Variants in LRPPRC observed in about 807,000 individuals in gnomAD.
The protein encoded by LRPPRC is leucine-rich PPR motif-containing protein, mitochondrial.
In LRPPRC, 120 loss-of-function variants were observed where a neutral mutation model predicts 180.3. The ratio of observed to expected loss-of-function variants is 0.67; its 90% confidence interval spans 0.57 to 0.77. LRPPRC has a LOEUF of 0.77. LRPPRC is among the 30% of genes least tolerant of loss of function. The probability of loss-of-function intolerance (pLI) is 0.00; values close to 1 mark genes in which losing one functional copy is unlikely to be tolerated. For missense variants in LRPPRC, 2,012 were observed against 1,657.2 expected (o/e 1.21, Z -3.72); for synonymous variants, 723 against 600.0 (o/e 1.21, Z -3.00).
At chr2:43,932,887 A>C (rs927111851) in intron 25 of LRPPRC, among the ~76,000 whole-genome samples, 1 of 152,146 alleles carries the variant, frequency 6.6e-6, no homozygotes, top group Non-Finnish European at 1.5e-5. Context: ...TTACTACACA[A>C]AGACAGGCAC....
chr2:43,918,801 A>ATATCTATATATAGATATCTC (rs1449843428), intron 27 of LRPPRC, among the ~76,000 whole-genome samples: 1 of 112,212 alleles, frequency 8.9e-6, no homozygotes, highest in African/African-American at 4.3e-5. Flanking sequence ...AGATATATAT[A>ATATCTATATATAGATATCTC]TATATATAGA....
At chr2:43,893,837 G>C (rs1670584137) in intron 36 of LRPPRC, among the ~76,000 whole-genome samples, 1 of 152,084 alleles carries the variant, frequency 6.6e-6, no homozygotes, top group Non-Finnish European at 1.5e-5. Flanking sequence ...TACTAATTCT[G>C]ATTCTTGAGT....
Position 43,948,510 on chromosome 2 carries a change from C to G in LRPPRC, c.1744G>C (p.Gly582Arg). 6.4e-7 allele frequency: 1 copy of G among 1,557,978 alleles called. No homozygotes were observed. Among genetic ancestry groups the G allele is most frequent in the Non-Finnish European group, 8.9e-7 (1 of 1,128,904 alleles). ...QEPRGPTEAV[G>R]YFLYNLIDSM... ...TCAATCAAGTTATAAAGAAAATAGCCAACAGCTTCTGTGGAAAAAAACAAG... is the reference window on the plus strand; with the variant it reads ...TCAATCAAGTTATAAAGAAAATAGCGAACAGCTTCTGTGGAAAAAAACAAG... The change falls in exon 17 of 38, where the codon GGC becomes CGC. Residue 582 changes from glycine (G) to arginine (R), a missense_variant. Physicochemically the swap from Gly to Arg is moderately radical, Grantham distance 125 (BLOSUM62 -2). Transcript: ENST00000260665.
At position 43,976,128 on chromosome 2, in the gene LRPPRC, T is replaced by C; in HGVS notation, c.737+15A>G. The C allele has an allele frequency of 6.5e-7, 1 of 1,546,292 alleles. No individual in the cohort carries two copies. Among genetic ancestry groups the C allele is most frequent in the Non-Finnish European group, 8.9e-7 (1 of 1,118,202 alleles). On this transcript the variant is annotated intron_variant, in intron 6 of 37. Coordinates refer to ENST00000260665, the MANE Select transcript of LRPPRC (RefSeq NM_133259.4). ...ATCTATCACTTAAGAACCAAAACCT[T>C]AGGTTGAACATTACCCAGCTCTGGC...
intron 23 of LRPPRC, among the ~76,000 whole-genome samples, chr2:43,937,692 A>T (rs1672325263): frequency 6.6e-6 from 1 of 152,166 alleles, no homozygotes; most frequent in Non-Finnish European, 1.5e-5. Flanking sequence ...GAACTCAAGG[A>T]CATTTGGGTT....
intron 25 of LRPPRC, among the ~76,000 whole-genome samples, chr2:43,927,804 T>C (rs926904091): frequency 1.3e-5 from 2 of 152,226 alleles, no homozygotes; most frequent in African/African-American, 4.8e-5. Flanking sequence ...CATGTTTCAT[T>C]TTGAAATTGA....
chr2:43,912,758 C>T (rs931547214), intron 29 of LRPPRC, among the ~76,000 whole-genome samples, 200 bp from the exon 30 acceptor site: 1 of 152,130 alleles, frequency 6.6e-6, no homozygotes, highest in African/African-American at 2.4e-5. Flanking sequence ...GGAAACTACA[C>T]CTTAATCTGA....
At chr2:43,962,797 A>T (rs1673404081) in intron 12 of LRPPRC, among the ~76,000 whole-genome samples, 1 of 152,182 alleles carries the variant, frequency 6.6e-6, no homozygotes, top group Non-Finnish European at 1.5e-5. Context: ...TGGGAAGTGA[A>T]AAATAATATT....
rs1462262004 is a variant in LRPPRC, at chr2:43,963,700, A to G, written c.1376T>C (p.Ile459Thr). Residue 459 changes from isoleucine (I) to threonine (T), a missense_variant, in exon 12 of 38, where the codon ATT becomes ACT. By Grantham distance (89) the Ile-to-Thr change is moderately conservative. Transcript: ENST00000260665. Reference sequence around the variant, plus strand: ...TTCTTGCATTCCTTTGAGGATTTCAATTATACCTACCAAATAAAATGTAGA... The same window carrying G: ...TTCTTGCATTCCTTTGAGGATTTCAGTTATACCTACCAAATAAAATGTAGA... ...RRKEKNVQGI[I>T]EILKGMQELG... The G allele has an allele frequency of 6.7e-7, 1 of 1,483,868 alleles. No individual in the cohort carries two copies. The highest frequency in any genetic ancestry group is 1.4e-5 in the African/African-American group (1 of 72,216). 91.9% of individuals were successfully genotyped at this position (1,483,868 alleles called of 1,614,324 possible). A position where few individuals can be genotyped will look rare whatever the true frequency, so the allele number is the denominator to read the frequency against.
At position 43,947,340 on chromosome 2, in the gene LRPPRC, A is replaced by G; in HGVS notation, c.1996T>C (p.Ser666Pro). ...TVQLTSSELESTLETLKAENQ... is the reference protein window; with the variant it reads ...TVQLTSSELEPTLETLKAENQ... ...TCAGCTTTTAGTGTTTCAAGTGTGG[A>G]CTCCAATTCAGATGATGTAAGTTGC... is the stretch of plus-strand genomic sequence containing the variant. Residue 666 changes from serine to proline, a missense_variant, in exon 20 of 38, where the codon TCC becomes CCC. Physicochemically the swap from Ser to Pro is moderately conservative, Grantham distance 74 (BLOSUM62 -1). Coordinates refer to ENST00000260665, the MANE Select transcript of LRPPRC (RefSeq NM_133259.4). 1 of 1,600,438 alleles carries G rather than the reference A, an allele frequency of 6.2e-7. No homozygotes were observed.
rs528315279 is a variant in LRPPRC at position 43,896,625 on chromosome 2, G to A, written c.3900+9C>T. ...TATCATTGATTTGTAAGCAGGTAAA[G>A]CACAGTACCTTTCCTTGTTTCCTAG... On this transcript the variant is annotated intron_variant, in intron 35 of 37. Coordinates refer to ENST00000260665, the MANE Select transcript of LRPPRC (RefSeq NM_133259.4). 86 of 1,585,260 alleles carry A rather than the reference G, an allele frequency of 5.4e-5. No homozygotes were observed. The South Asian group carries it at 5.5e-4, about 10-fold the overall frequency.
intron 1 of LRPPRC, among the ~76,000 whole-genome samples, chr2:43,985,307 T>C (rs770973010): frequency 6.6e-6 from 1 of 152,238 alleles, no homozygotes; most frequent in East Asian, 1.9e-4. Context: ...TGTAGTGTAG[T>C]ATCTTTGTTA....
In LRPPRC at chr2:43,947,305, A is replaced by T; in HGVS notation, c.2031T>A (p.Pro677=). 1 of 1,606,054 alleles carries T rather than the reference A, an allele frequency of 6.2e-7. No individual in the cohort carries two copies. Among genetic ancestry groups the T allele is most frequent in the Non-Finnish European group, 8.5e-7 (1 of 1,173,522 alleles). ...TGAGTTGCTTTAGGACATCTCTTAT[A>T]GGTTGATTTTCAGCTTTTAGTGTTT... ...TLETLKAENQ[P]IRDVLKQLIL... is the part of the protein sequence containing the mutation. Residue 677 remains proline (P), a synonymous_variant, in exon 20 of 38, where the codon CCT becomes CCA. Coordinates refer to ENST00000260665, the MANE Select transcript of LRPPRC (RefSeq NM_133259.4).
intron 1 of LRPPRC, among the ~76,000 whole-genome samples, chr2:43,993,627 A>AG (rs1674885450): frequency 1.3e-5 from 2 of 152,108 alleles, no homozygotes; most frequent in African/African-American, 4.8e-5. Flanking sequence ...TACAGTGCTC[A>AG]GAGTCCAGGA....
intron 5 of LRPPRC, 54 bp downstream of exon 5, chr2:43,976,940 G>C (rs1674083746): frequency 7.0e-7 from 1 of 1,428,190 alleles, no homozygotes; most frequent in Non-Finnish European, 9.9e-7. Flanking sequence ...ACAGACATTA[G>C]ATTTACAAAA....
intron 27 of LRPPRC, among the ~76,000 whole-genome samples, chr2:43,922,963 C>G (rs1671749754): frequency 6.6e-6 from 1 of 152,070 alleles, no homozygotes. Flanking sequence ...CTATAGGATT[C>G]CACTGGCTTC....
intron 3 of LRPPRC, among the ~76,000 whole-genome samples, chr2:43,978,471 T>C (rs542432975): frequency 6.6e-6 from 1 of 152,278 alleles, no homozygotes; most frequent in East Asian, 1.9e-4. Context: ...GAGGAATTAA[T>C]GTTATTACTG....
Position 43,888,584 on chromosome 2 carries a change from G to A in LRPPRC, c.*16C>T. ...GAATCACAAATATATACAAAACAAA[G>A]TATCGCCTGGTTATTTCAAGAAGAG... is the stretch of plus-strand genomic sequence containing the variant. On this transcript the variant is annotated 3_prime_UTR_variant, in exon 38 of 38. Coordinates refer to ENST00000260665, the MANE Select transcript of LRPPRC (RefSeq NM_133259.4). 1 of 1,489,264 alleles carries A rather than the reference G, an allele frequency of 6.7e-7. No individual in the cohort carries two copies. Among genetic ancestry groups the A allele is most frequent in the Non-Finnish European group, 9.4e-7 (1 of 1,066,848 alleles). 92.3% of individuals were successfully genotyped at this position (1,489,264 alleles called of 1,614,324 possible).
chr2:43,994,942 A>C (rs1471771691), intron 1 of LRPPRC, among the ~76,000 whole-genome samples: 1 of 152,190 alleles, frequency 6.6e-6, no homozygotes, highest in Non-Finnish European at 1.5e-5. Context: ...GTGCTCATTC[A>C]TTCAAAGACA....
Sources: allele counts gnomAD v4.1 joint callset (sites outside exome capture counted in the v4.1 genomes callset), GRCh38; gene constraint gnomAD v4.1.1; transcripts MANE v1.5; gene names NCBI Gene and HGNC (gene_info 2026-07-23, HGNC 2026-07-21).